DNM3: variants seen among roughly 807,000 people sequenced by gnomAD.
DNM3 encodes dynamin-3.
A neutral mutation model predicts 101.6 loss-of-function variants in DNM3; 47 were observed. That is an observed-to-expected ratio of 0.46 (90% CI 0.37 to 0.59). The LOEUF (loss-of-function observed/expected upper bound fraction) is 0.59, where lower values mean the gene tolerates loss of function less well. DNM3 is among the 20% of genes least tolerant of loss of function. DNM3 has a pLI of 0.00. For missense variants in DNM3, 849 were observed against 1,085.7 expected (o/e 0.78, Z 3.06); for synonymous variants, 385 against 387.9 (o/e 0.99, Z 0.09).
intron 13 of DNM3, among the ~76,000 whole-genome samples, chr1:172,123,745 C>T (rs1223240227): frequency 6.6e-6 from 1 of 152,196 alleles, no homozygotes; most frequent in Non-Finnish European, 1.5e-5. Context: ...GAGGAAACAA[C>T]AAGAGTGCCT....
In DNM3 at chr1:172,032,467, G is replaced by A; in HGVS notation, c.655G>A (p.Val219Ile). 1 of 1,565,270 alleles carries A rather than the reference G, an allele frequency of 6.4e-7. No individual in the cohort carries two copies. The highest frequency in any genetic ancestry group is 8.7e-7 in the Non-Finnish European group (1 of 1,149,406). Residue 219 changes from valine (V) to isoleucine (I), a missense_variant, in exon 5 of 21, where the codon GTT becomes ATT. Physicochemically the swap from Val to Ile is conservative, Grantham distance 29. This residue lies in a region of DNM3 where 388 missense variants were observed against 483.0 expected (regional missense o/e 0.80). Transcript: ENST00000627582. ...LMDEGTDARD[V>I]LENKLLPLRR... ...GGATGAAGGAACGGATGCCAGGGAT[G>A]TTCTAGAGAACAAACTGTTGCCTCT...
chr1:172,308,941 C>A, intron 16 of DNM3, 102 bp downstream of exon 16: 1 of 574,286 alleles, frequency 1.7e-6, no homozygotes, highest in Non-Finnish European at 2.9e-6. Context: ...TTCTTACTGA[C>A]TTAATTAATT....
rs1408728199 is a variant in DNM3, at chr1:172,068,867, A to G, written c.1384A>G (p.Asn462Asp). The stretch of plus-strand genomic sequence containing the variant: ...CGAGGAAACGGAAAGGATTGTTGCT[A>G]ACCACATTCGTGAGCGAGAAGGGAA... ...LCEETERIVANHIREREGKTK... is the reference protein window; with the variant it reads ...LCEETERIVADHIREREGKTK... Residue 462 changes from asparagine (N) to aspartate (D), a missense_variant, in exon 11 of 21, where the codon AAC becomes GAC. By Grantham distance (23) the Asn-to-Asp change is conservative. Around this residue, in one of 5 missense-constraint regions of DNM3, gnomAD observed 193 missense variants for 238.4 expected, o/e 0.81. Transcript: ENST00000627582. 3.8e-6 allele frequency: 6 copies of G among 1,573,704 alleles called. No homozygotes were observed. Among genetic ancestry groups the G allele is most frequent in the Non-Finnish European group, 5.2e-6 (6 of 1,158,782 alleles).
At chr1:171,957,755 A>T (rs2042959078) in intron 2 of DNM3, among the ~76,000 whole-genome samples, 1 of 152,168 alleles carries the variant, frequency 6.6e-6, no homozygotes, top group South Asian at 2.1e-4. Flanking sequence ...AGTTCCCAAC[A>T]AGTTCCTCAC....
intron 15 of DNM3, among the ~76,000 whole-genome samples, chr1:172,304,657 A>G (rs571471750): frequency 1.3e-4 from 20 of 152,340 alleles, no homozygotes; most frequent in African/African-American, 4.6e-4. Flanking sequence ...AGCAAATGTA[A>G]AAGAACAGAA....
chr1:172,366,470 T>G (rs1172098251), intron 17 of DNM3: 1 of 151,874 alleles, frequency 6.6e-6, no homozygotes, highest in Non-Finnish European at 1.5e-5. Flanking sequence ...AGCAATCAAA[T>G]GGCCAGTAAG....
At chr1:172,362,998 T>A (rs1373225046) in intron 17 of DNM3, among the ~76,000 whole-genome samples, 1 of 151,812 alleles carries the variant, frequency 6.6e-6, no homozygotes, top group African/African-American at 2.4e-5. Flanking sequence ...ATGGTCTCCT[T>A]TGCTGGCACT....
chr1:172,345,178 T>C (rs770787406), intron 17 of DNM3, among the ~76,000 whole-genome samples: 1 of 152,222 alleles, frequency 6.6e-6, no homozygotes, highest in Non-Finnish European at 1.5e-5. Context: ...TTCAGAGGCA[T>C]TAGCCTGAAA....
At chr1:171,991,576 C>G (rs975350413) in intron 4 of DNM3, among the ~76,000 whole-genome samples, 4 of 152,150 alleles carry the variant, frequency 2.6e-5, no homozygotes, top group African/African-American at 9.6e-5. Flanking sequence ...TCCAGCTATC[C>G]AGAAGCTCTC....
At chr1:172,386,903 C>T (rs911969698) in intron 18 of DNM3, 12 of 480,970 alleles carry the variant, frequency 2.5e-5, no homozygotes, top group African/African-American at 2.0e-4. Flanking sequence ...TCATCTCTAT[C>T]ATCCTTCAGT....
At chr1:172,234,344 G>T (rs10911350) in intron 14 of DNM3, among the ~76,000 whole-genome samples, 8,371 of 151,966 alleles carry the variant, frequency 0.055, 289 homozygotes, top group Middle Eastern at 0.095. Flanking sequence ...TGTGAAGGAC[G>T]TCTTCAAGGA....
chr1:172,057,954 C>T (rs1195108832), intron 10 of DNM3, among the ~76,000 whole-genome samples: 1 of 140,008 alleles, frequency 7.1e-6, no homozygotes, highest in Non-Finnish European at 1.5e-5. Context: ...AAACCCATCT[C>T]ATGTGCAGAG....
At chr1:172,149,110 T>C (rs2058032787) in intron 14 of DNM3, among the ~76,000 whole-genome samples, 1 of 152,176 alleles carries the variant, frequency 6.6e-6, no homozygotes, top group Non-Finnish European at 1.5e-5. Flanking sequence ...ACAAAGATTG[T>C]GAGAGAATTG....
Position 172,357,584 on chromosome 1 carries a change from A to G in DNM3, c.1894-21434A>G, listed in dbSNP as rs115241975. ...GAAAAAAGACTGAGGTATTGCTCCA[A>G]ATTAAAGGAGACTAAAGAGGCATAA... On this transcript the variant is annotated intron_variant, in intron 17 of 20. Coordinates refer to ENST00000627582, the MANE Select transcript of DNM3 (RefSeq NM_015569.5). Among the ~76,000 whole-genome samples, 686 of 152,230 alleles carry G rather than the reference A, an allele frequency of 4.5e-3. 7 individuals are homozygous for G. The highest frequency in any genetic ancestry group is 0.016 in the African/African-American group (653 of 41,568).
At chr1:171,980,996 C>T (rs2044749907) in intron 2 of DNM3, among the ~76,000 whole-genome samples, 1 of 151,952 alleles carries the variant, frequency 6.6e-6, no homozygotes. Flanking sequence ...GTCTCGAACT[C>T]CTGACCTCAG....
chr1:172,102,735 C>T (rs1461849615), intron 13 of DNM3, among the ~76,000 whole-genome samples: 4 of 152,080 alleles, frequency 2.6e-5, no homozygotes, highest in African/African-American at 7.2e-5. Flanking sequence ...CCTCCGGCTG[C>T]CCCATAGCTC....
intron 1 of DNM3, among the ~76,000 whole-genome samples, chr1:171,861,031 A>G (rs1420618170): frequency 6.6e-6 from 1 of 152,134 alleles, no homozygotes; most frequent in Non-Finnish European, 1.5e-5. Flanking sequence ...TTGTCAATAT[A>G]TCATTGATAT....
At chr1:171,890,923 C>G (rs755627383) in intron 1 of DNM3, among the ~76,000 whole-genome samples, 2 of 152,182 alleles carry the variant, frequency 1.3e-5, no homozygotes, top group Non-Finnish European at 2.9e-5. Flanking sequence ...CCACCTTGGC[C>G]TCCCAAAGCA....
chr1:172,331,129 T>C (rs2066165680), intron 17 of DNM3, among the ~76,000 whole-genome samples: 2 of 152,148 alleles, frequency 1.3e-5, no homozygotes, highest in African/African-American at 2.4e-5. Flanking sequence ...TCAAATTCCA[T>C]GAGATGAAGC....
Sources: gnomAD v4.1 joint callset for allele counts (sites outside exome capture counted in the v4.1 genomes callset) on GRCh38, gnomAD v4.1.1 for gene constraint, gnomAD v4.1.1 regional missense constraint, MANE v1.5 for transcripts, NCBI Gene and HGNC (gene_info 2026-07-23, HGNC 2026-07-21) for gene names.